The following WDFY4 variants were observed in gnomAD, a reference collection of about 807,000 sequenced individuals.
WDFY4 encodes the protein WD repeat- and FYVE domain-containing protein 4.
WDFY4 carries 169 observed loss-of-function variants against 351.9 expected under a neutral mutation model. The observed-to-expected ratio is 0.48, with a 90% CI of 0.42 to 0.55. The LOEUF (loss-of-function observed/expected upper bound fraction) is 0.55. WDFY4 is among the 20% of genes least tolerant of loss of function. WDFY4 has a pLI of 0.00. For synonymous variants in WDFY4, 1,622 were observed against 1,574.6 expected (o/e 1.03, Z -0.71); for missense variants, 3,803 against 3,935.6 (o/e 0.97, Z 0.90).
intron 2 of WDFY4, among the ~76,000 whole-genome samples, chr10:48,714,937 T>C (rs960919339): frequency 6.6e-6 from 1 of 152,226 alleles, no homozygotes; most frequent in Non-Finnish European, 1.5e-5. Flanking sequence ...TGGATTTGTA[T>C]CAACTGGGCT....
intron 43 of WDFY4, among the ~76,000 whole-genome samples, chr10:48,889,937 G>A (rs1364487252): frequency 1.3e-5 from 2 of 152,206 alleles, no homozygotes; most frequent in Non-Finnish European, 2.9e-5. Context: ...GACTGCCCCT[G>A]GGAAGAGGAT....
At chr10:48,936,257 A>T (rs1313814354) in intron 47 of WDFY4, among the ~76,000 whole-genome samples, 2 of 152,148 alleles carry the variant, frequency 1.3e-5, no homozygotes, top group Non-Finnish European at 2.9e-5. Context: ...ATACATAAAC[A>T]TTACCATATC....
At chr10:48,859,064 A>G (rs2069244540) in intron 39 of WDFY4, among the ~76,000 whole-genome samples, 1 of 151,830 alleles carries the variant, frequency 6.6e-6, no homozygotes, top group Non-Finnish European at 1.5e-5. Context: ...CTGTGACCGC[A>G]TTTTTTTTGT....
intron 47 of WDFY4, among the ~76,000 whole-genome samples, chr10:48,919,049 A>G (rs1838812173): frequency 6.6e-6 from 1 of 152,214 alleles, no homozygotes; most frequent in South Asian, 2.1e-4. Context: ...TGGAATATCC[A>G]CTAACACAGA....
At chr10:48,924,459 G>T (rs1413289322) in intron 47 of WDFY4, among the ~76,000 whole-genome samples, 1 of 152,234 alleles carries the variant, frequency 6.6e-6, no homozygotes, top group Non-Finnish European at 1.5e-5. Context: ...TAGTTATAGG[G>T]AGAAAGATGT....
intron 13 of WDFY4, among the ~76,000 whole-genome samples, chr10:48,765,847 G>T (rs942159288): frequency 6.6e-6 from 1 of 152,180 alleles, no homozygotes; most frequent in Non-Finnish European, 1.5e-5. Context: ...AGATCTAAAG[G>T]CTGCAGTGAA....
chr10:48,752,901 A>G (rs1468520114), intron 12 of WDFY4, among the ~76,000 whole-genome samples: 2 of 152,230 alleles, frequency 1.3e-5, no homozygotes, highest in African/African-American at 4.8e-5. Flanking sequence ...ACCTAGGAGT[A>G]GAATTGTAGC....
intron 27 of WDFY4, among the ~76,000 whole-genome samples, chr10:48,806,933 C>A (rs1279061293): frequency 2.6e-5 from 4 of 152,196 alleles, no homozygotes; most frequent in Non-Finnish European, 4.4e-5. Context: ...AGATATAAAA[C>A]AGTTTTATCA....
At chr10:48,808,044 C>A in intron 28 of WDFY4, 86 bp downstream of exon 28, 1 of 1,124,508 alleles carries the variant, frequency 8.9e-7, no homozygotes, top group Non-Finnish European at 1.2e-6. Context: ...AAAAGTTTAG[C>A]ATCTCTGAGT....
At chr10:48,755,240 T>G (rs1314217164) in intron 12 of WDFY4, among the ~76,000 whole-genome samples, 1 of 152,190 alleles carries the variant, frequency 6.6e-6, no homozygotes, top group Non-Finnish European at 1.5e-5. Context: ...TCATTTTGTG[T>G]GTATCAGTAG....
chr10:48,811,664 T>C lies in WDFY4; in HGVS notation c.5170T>C (p.Phe1724Leu). 6.4e-7 allele frequency: 1 copy of C among 1,551,828 alleles called. No individual in the cohort carries two copies. Residue 1724 changes from phenylalanine to leucine, a missense_variant, in exon 30 of 62, where the codon TTC (phenylalanine) becomes CTC (leucine). Physicochemically the swap from Phe to Leu is conservative, Grantham distance 22. Transcript: ENST00000325239. Reference sequence around the variant, plus strand: ...AGAGGTCTACCTCATCGTCTCCACCTTCTTCCTGCAGACACCACTCACAGA... The same window carrying C: ...AGAGGTCTACCTCATCGTCTCCACCCTCTTCCTGCAGACACCACTCACAGA... ...IPEVYLIVST[F>L]FLQTPLTELM... is the part of the protein sequence containing the mutation.
At chr10:48,904,224 A>C (rs1837502420) in intron 47 of WDFY4, among the ~76,000 whole-genome samples, 1 of 151,944 alleles carries the variant, frequency 6.6e-6, no homozygotes, top group South Asian at 2.1e-4. Flanking sequence ...GGTCCAGGGG[A>C]CCCGGGCAGC....
intron 13 of WDFY4, among the ~76,000 whole-genome samples, chr10:48,768,094 A>AATGGGG (rs1232546483): frequency 6.6e-6 from 1 of 152,152 alleles, no homozygotes; most frequent in East Asian, 1.9e-4. Flanking sequence ...CAGAGCTTAG[A>AATGGGG]ATGGGGACAA....
At chr10:48,854,488 C>T (rs2069068774) in intron 39 of WDFY4, among the ~76,000 whole-genome samples, 1 of 152,102 alleles carries the variant, frequency 6.6e-6, no homozygotes, top group Admixed American at 6.6e-5. Flanking sequence ...CGATCCCTTG[C>T]AGTTTACAAA....
chr10:48,756,401 GT>G (rs56286442), intron 12 of WDFY4, among the ~76,000 whole-genome samples: 15 of 150,664 alleles, frequency 1.0e-4, no homozygotes, highest in East Asian at 1.9e-4. Flanking sequence ...AGTTCTAGAA[GT>G]TTTTTTTTTT....
chr10:48,914,381 A>G (rs1838306010), intron 47 of WDFY4: 3 of 566,818 alleles, frequency 5.3e-6, no homozygotes, highest in Non-Finnish European at 9.3e-6. Flanking sequence ...GCCCAGCCAT[A>G]GATTGTCAGC....
intron 13 of WDFY4, among the ~76,000 whole-genome samples, chr10:48,767,056 T>C (rs1428526926): frequency 6.6e-6 from 1 of 152,236 alleles, no homozygotes; most frequent in Non-Finnish European, 1.5e-5. Context: ...ATGACCCATA[T>C]GAGATACTAA....
chr10:48,826,377 A>G (rs1476395936), intron 35 of WDFY4, among the ~76,000 whole-genome samples: 2 of 152,158 alleles, frequency 1.3e-5, no homozygotes, highest in East Asian at 3.8e-4. Flanking sequence ...GTAGTCTCAT[A>G]GTATAGTTTG....
intron 1 of WDFY4, among the ~76,000 whole-genome samples, chr10:48,702,353 A>G (rs893435818): frequency 2.0e-5 from 3 of 152,162 alleles, no homozygotes; most frequent in Non-Finnish European, 2.9e-5. Flanking sequence ...GGACATTTCT[A>G]TCCCCCGCAA....
Sources: allele counts gnomAD v4.1 joint callset (sites outside exome capture counted in the v4.1 genomes callset), GRCh38; gene constraint gnomAD v4.1.1; transcripts MANE v1.5; gene names NCBI Gene and HGNC (gene_info 2026-07-23, HGNC 2026-07-21).